SFI1: variants seen among roughly 807,000 people sequenced by gnomAD.
The protein encoded by SFI1 is SFI1 centrin binding protein, also known as protein SFI1 homolog.
A neutral mutation model predicts 207.5 loss-of-function variants in SFI1; 195 were observed. The ratio of observed to expected loss-of-function variants is 0.94; its 90% confidence interval spans 0.84 to 1.06. SFI1 has a LOEUF of 1.06. Among genes scored for constraint, SFI1 ranks in the 50% least tolerant of loss-of-function variants. SFI1 has a pLI of 0.00. For synonymous variants in SFI1, 630 were observed against 598.9 expected, an observed-to-expected ratio of 1.05 and a Z score of -0.76; for missense variants, 1,634 against 1,588.0, an observed-to-expected ratio of 1.03 and a Z score of -0.49.
chr22:31,517,097 A>G (rs576415802), intron 2 of SFI1, among the ~76,000 whole-genome samples: 43 of 151,936 alleles, frequency 2.8e-4, no homozygotes, highest in Non-Finnish European at 5.4e-4. Context: ...TGGTGCCACT[A>G]TACTCCAGCC....
At chr22:31,559,431 A>T (rs11912981) in intron 7 of SFI1, 4,529 of 370,184 alleles carry the variant, frequency 0.012, 170 homozygotes, top group African/African-American at 0.086. Context: ...TCGAAAAAAT[A>T]AAAAAAATGG....
intron 2 of SFI1, among the ~76,000 whole-genome samples, chr22:31,520,572 T>C (rs2057105126): frequency 6.6e-6 from 1 of 152,138 alleles, no homozygotes; most frequent in Admixed American, 6.6e-5. Flanking sequence ...TTTGTTTTAG[T>C]TTGGGGTATG....
intron 2 of SFI1, among the ~76,000 whole-genome samples, chr22:31,526,838 C>T (rs2057970658): frequency 6.6e-6 from 1 of 152,146 alleles, no homozygotes; most frequent in Non-Finnish European, 1.5e-5. Flanking sequence ...GCTGGAATTA[C>T]AGGCTTGAGC....
At chr22:31,533,741 C>G (rs897073171) in intron 4 of SFI1, among the ~76,000 whole-genome samples, 3 of 152,284 alleles carry the variant, frequency 2.0e-5, no homozygotes, top group East Asian at 3.9e-4. Context: ...TCCTTCACTG[C>G]CTTGGTAGCT....
intron 21 of SFI1, chr22:31,606,690 TTTC>T (rs1257164641): frequency 6.4e-5 from 17 of 264,394 alleles, no homozygotes; most frequent in African/African-American, 2.1e-4. Context: ...ATTTTCTTTT[TTTC>T]TTTTTTTTTT....
At chr22:31,529,525 GAAC>G (rs757339848) in intron 3 of SFI1, among the ~76,000 whole-genome samples, 4 of 152,082 alleles carry the variant, frequency 2.6e-5, no homozygotes, top group East Asian at 1.9e-4. Context: ...CTCTGTCTCA[GAAC>G]AACAACAACA....
chr22:31,617,265 T>C (rs2071756731), intron 31 of SFI1, among the ~76,000 whole-genome samples, 187 bp downstream of exon 31: 1 of 151,866 alleles, frequency 6.6e-6, no homozygotes, highest in African/African-American at 2.4e-5. Context: ...CCACCATGGC[T>C]CTCTACCCGG....
At chr22:31,516,418 C>T (rs2056507574) in intron 2 of SFI1, among the ~76,000 whole-genome samples, 1 of 150,960 alleles carries the variant, frequency 6.6e-6, no homozygotes, top group African/African-American at 2.4e-5. Context: ...GGGGCTGAGG[C>T]AGGAGAATTG....
chr22:31,599,619 C>T (rs892623036), intron 15 of SFI1, among the ~76,000 whole-genome samples: 4 of 152,110 alleles, frequency 2.6e-5, no homozygotes, highest in Admixed American at 6.6e-5. Context: ...CGTGAGCCAC[C>T]GTGCCTAGCC....
chr22:31,609,414 A>G (rs759642219), intron 22 of SFI1, among the ~76,000 whole-genome samples: 1 of 152,192 alleles, frequency 6.6e-6, no homozygotes, highest in Non-Finnish European at 1.5e-5. Flanking sequence ...CTCCTAACAC[A>G]GCTAGGGGTC....
intron 21 of SFI1, 123 bp downstream of exon 21, chr22:31,606,553 CTT>C: frequency 1.4e-6 from 1 of 697,032 alleles, no homozygotes; most frequent in Non-Finnish European, 2.4e-6. Context: ...AAATGGGTAA[CTT>C]TCCTCCAGCA....
intron 11 of SFI1, among the ~76,000 whole-genome samples, chr22:31,579,016 G>C (rs774369291): frequency 6.6e-6 from 1 of 152,032 alleles, no homozygotes; most frequent in African/African-American, 2.4e-5. Flanking sequence ...TTAGAGATGC[G>C]GTCTCACTAT....
intron 2 of SFI1, among the ~76,000 whole-genome samples, chr22:31,525,313 A>G (rs1019421999): frequency 2.0e-5 from 3 of 151,898 alleles, no homozygotes; most frequent in Non-Finnish European, 4.4e-5. Flanking sequence ...TTGAGTTGAT[A>G]TTTGTATAGG....
chr22:31,591,070 A>C (rs1351218481), intron 15 of SFI1, among the ~76,000 whole-genome samples: 1 of 151,596 alleles, frequency 6.6e-6, no homozygotes, highest in African/African-American at 2.4e-5. Context: ...GCAGACAAAC[A>C]AGTGAACAAA....
At chr22:31,593,155 C>T (rs1396725646) in intron 15 of SFI1, among the ~76,000 whole-genome samples, 36 of 150,574 alleles carry the variant, frequency 2.4e-4, no homozygotes, top group African/African-American at 7.6e-4. Flanking sequence ...ACCTCCTTCC[C>T]GGACGGGGTG....
At chr22:31,612,040 T>C in intron 24 of SFI1, 200 bp downstream of exon 24, 1 of 1,374,468 alleles carries the variant, frequency 7.3e-7, no homozygotes, top group Non-Finnish European at 9.4e-7. Context: ...ATAAGAACAG[T>C]TACTTCAAGG....
At chr22:31,582,138 G>T (rs2064258422) in intron 12 of SFI1, among the ~76,000 whole-genome samples, 1 of 114,230 alleles carries the variant, frequency 8.8e-6, no homozygotes, top group Non-Finnish European at 1.7e-5. Flanking sequence ...AATGGATTTT[G>T]TTGCTATATT....
intron 17 of SFI1, 31 bp from the exon 18 acceptor site, chr22:31,603,713 T>C: frequency 6.7e-7 from 1 of 1,500,952 alleles, no homozygotes. Context: ...GGGTGGGGGC[T>C]GCAGCACTGA....
At chr22:31,538,005 C>T (rs1009303548) in intron 4 of SFI1, among the ~76,000 whole-genome samples, 1 of 152,144 alleles carries the variant, frequency 6.6e-6, no homozygotes, top group African/African-American at 2.4e-5. Flanking sequence ...GAGTTTCACT[C>T]TTGTTGCCCA....
Sources: gnomAD v4.1 joint callset for allele counts (sites outside exome capture counted in the v4.1 genomes callset) on GRCh38, gnomAD v4.1.1 for gene constraint, MANE v1.5 for transcripts, NCBI Gene and HGNC (gene_info 2026-07-23, HGNC 2026-07-21) for gene names.